RNF115: variants seen among roughly 807,000 people sequenced by gnomAD.
RNF115 encodes the protein ring finger protein 115.
RNF115 carries 31 observed loss-of-function variants against 39.2 expected under a neutral mutation model. The ratio of observed to expected loss-of-function variants is 0.79; its 90% confidence interval spans 0.59 to 1.07. The LOEUF is 1.07. Ranked by LOEUF, RNF115 falls within the 50% of genes least tolerant of loss-of-function variation. RNF115 has a pLI of 0.00. For missense variants in RNF115, 384 were observed against 381.7 expected, an observed-to-expected ratio of 1.01 and a Z score of -0.05; for synonymous variants, 124 against 131.0, an observed-to-expected ratio of 0.95 and a Z score of 0.37.
intron 2 of RNF115, chr1:145,786,974 T>C (rs1217274397): frequency 3.3e-6 from 3 of 900,240 alleles, no homozygotes; most frequent in Non-Finnish European, 4.7e-6. Flanking sequence ...ACACATATAA[T>C]CACCAATCAT....
At chr1:145,772,292 G>GT (rs1647678618) in intron 3 of RNF115, 1 of 173,586 alleles carries the variant, frequency 5.8e-6, no homozygotes, top group Admixed American at 5.6e-5. Flanking sequence ...GTTTTGCTGT[G>GT]TAAGAAAAAT....
intron 4 of RNF115, among the ~76,000 whole-genome samples, chr1:145,766,972 G>A (rs1456117478): frequency 5.5e-4 from 77 of 138,906 alleles, no homozygotes; most frequent in Non-Finnish European, 1.0e-3. Context: ...CCCGGTCGGG[G>A]TGGCTGGCCG....
At position 145,823,959 on chromosome 1, in the gene RNF115, C is replaced by G; in HGVS notation, c.-86G>C. The G allele has an allele frequency of 1.0e-6, 1 of 977,442 alleles. No individual in the cohort carries two copies. The highest frequency in any genetic ancestry group is 1.4e-6 in the Non-Finnish European group (1 of 714,262). 60.5% of individuals were successfully genotyped at this position (977,442 alleles called of 1,614,324 possible). ...CCTCCCGAGCTGCAGTCGTCGCCGCCGCCGCCGCCTCGGTGCGGCCCACCG... is the reference window on the plus strand; with the variant it reads ...CCTCCCGAGCTGCAGTCGTCGCCGCGGCCGCCGCCTCGGTGCGGCCCACCG... On this transcript the variant is annotated 5_prime_UTR_variant, in exon 1 of 9. Transcript: ENST00000582693.
intron 1 of RNF115, among the ~76,000 whole-genome samples, chr1:145,799,787 T>C (rs1649148544): frequency 6.6e-6 from 1 of 152,138 alleles, no homozygotes; most frequent in South Asian, 2.1e-4. Context: ...AGAGATTAGG[T>C]CTCACTTTGT....
chr1:145,748,111 C>T lies in RNF115; in HGVS notation c.668-1G>A. 6.2e-7 allele frequency: 1 copy of T among 1,605,508 alleles called. No individual in the cohort carries two copies. Among genetic ancestry groups the T allele is most frequent in the Non-Finnish European group, 8.5e-7 (1 of 1,172,478 alleles). ...CATACTGGACACTCTAAACCCATAT[C>T]TGTTGAAGAAGGAAATGCCTTTTAA... On this transcript the variant is annotated splice_acceptor_variant, in intron 7 of 8. Transcript: ENST00000582693. LOFTEE classifies it high-confidence loss of function.
chr1:145,758,270 A>G (rs587756119), intron 4 of RNF115, among the ~76,000 whole-genome samples: 1 of 152,288 alleles, frequency 6.6e-6, no homozygotes, highest in African/African-American at 2.4e-5. Flanking sequence ...CTGCCAAGTA[A>G]TATGGACATT....
intron 1 of RNF115, among the ~76,000 whole-genome samples, chr1:145,789,881 A>G (rs1359523322): frequency 2.6e-5 from 4 of 151,232 alleles, no homozygotes; most frequent in African/African-American, 9.7e-5. Context: ...TATTTTTAGT[A>G]GAGACAGGGT....
At chr1:145,816,619 T>C (rs1355753895) in intron 1 of RNF115, among the ~76,000 whole-genome samples, 1 of 132,186 alleles carries the variant, frequency 7.6e-6, no homozygotes, top group Non-Finnish European at 1.7e-5. Context: ...ACCTTCCCAT[T>C]GAATGGGTGA....
chr1:145,790,418 G>A (rs983909081), intron 1 of RNF115, among the ~76,000 whole-genome samples: 1 of 150,510 alleles, frequency 6.6e-6, no homozygotes, highest in East Asian at 2.0e-4. Context: ...GGGATTATAG[G>A]CATGAGCCAC....
intron 7 of RNF115, among the ~76,000 whole-genome samples, chr1:145,748,487 C>T (rs1418840139): frequency 6.6e-6 from 1 of 152,190 alleles, no homozygotes; most frequent in Non-Finnish European, 1.5e-5. Context: ...TCAGTTGCTA[C>T]TGTGAATCTG....
chr1:145,803,325 A>T (rs587692346), intron 1 of RNF115, among the ~76,000 whole-genome samples: 1 of 152,330 alleles, frequency 6.6e-6, no homozygotes, highest in East Asian at 1.9e-4. Flanking sequence ...GTTCCAGGCC[A>T]ATAAAACTAC....
chr1:145,800,564 C>T (rs1649182541), intron 1 of RNF115, among the ~76,000 whole-genome samples: 1 of 152,152 alleles, frequency 6.6e-6, no homozygotes, highest in Non-Finnish European at 1.5e-5. Flanking sequence ...ACTCTTGGAA[C>T]CCTGAGCAGC....
chr1:145,788,807 A>G, intron 2 of RNF115, 101 bp downstream of exon 2: 1 of 850,036 alleles, frequency 1.2e-6, no homozygotes, highest in Non-Finnish European at 2.0e-6. Flanking sequence ...CTCTCTCTGT[A>G]GAGTGTAAGT....
At chr1:145,822,186 G>A (rs1441078113) in intron 1 of RNF115, among the ~76,000 whole-genome samples, 1 of 151,914 alleles carries the variant, frequency 6.6e-6, no homozygotes, top group Non-Finnish European at 1.5e-5. Context: ...AATTAGCCAG[G>A]GTGCGGTGGT....
intron 4 of RNF115, among the ~76,000 whole-genome samples, chr1:145,761,357 C>T (rs587714314): frequency 2.6e-5 from 4 of 152,302 alleles, no homozygotes; most frequent in African/African-American, 9.6e-5. Flanking sequence ...ATCACAGGCC[C>T]AGAGACCCAA....
intron 4 of RNF115, among the ~76,000 whole-genome samples, chr1:145,757,605 C>T (rs1553713369): frequency 6.6e-6 from 1 of 152,230 alleles, no homozygotes; most frequent in African/African-American, 2.4e-5. Context: ...GGATGACTAA[C>T]AGGGTGGATT....
chr1:145,756,077 G>A (rs369649555), intron 4 of RNF115, among the ~76,000 whole-genome samples: 46 of 152,266 alleles, frequency 3.0e-4, no homozygotes, highest in African/African-American at 1.1e-3. Context: ...CTAAAATTAA[G>A]AGATTTCAAG....
chr1:145,778,641 G>A (rs587708997), intron 3 of RNF115, among the ~76,000 whole-genome samples: 10 of 152,232 alleles, frequency 6.6e-5, no homozygotes, highest in Non-Finnish European at 1.2e-4. Flanking sequence ...TCATCACCCC[G>A]AAATGTTTCC....
Position 145,744,898 on chromosome 1 carries a change from T to C in RNF115, c.*1968A>G, listed in dbSNP as rs1657814879. ...AAACACTTGAATGCTACAAAGAGCATGTGCATGGGACACTACTAGGCTGAA... is the reference window on the plus strand; with the variant it reads ...AAACACTTGAATGCTACAAAGAGCACGTGCATGGGACACTACTAGGCTGAA... On this transcript the variant is annotated 3_prime_UTR_variant, in exon 9 of 9. Coordinates refer to ENST00000582693, the MANE Select transcript of RNF115 (RefSeq NM_014455.4). 1 of 152,170 alleles carries C rather than the reference T, an allele frequency of 6.6e-6. No individual in the cohort carries two copies. The highest frequency in any genetic ancestry group is 1.5e-5 in the Non-Finnish European group (1 of 68,028). The allele number at this position is 152,170 out of a possible 1,614,324, so 9.4% of individuals were successfully genotyped here.
Sources: allele counts gnomAD v4.1 joint callset (sites outside exome capture counted in the v4.1 genomes callset), GRCh38; gene constraint gnomAD v4.1.1; transcripts MANE v1.5; gene names NCBI Gene and HGNC (gene_info 2026-07-23, HGNC 2026-07-21).